Variants in TRPS1 observed in about 807,000 individuals in gnomAD.
TRPS1 encodes the protein transcriptional repressor GATA binding 1.
In TRPS1, 6 loss-of-function variants were observed where a neutral mutation model predicts 101.2. That is an observed-to-expected ratio of 0.06 (90% CI 0.03 to 0.12). TRPS1 has a LOEUF of 0.12. Ranked by LOEUF, TRPS1 falls within the 10% of genes least tolerant of loss-of-function variation. The pLI, the probability that TRPS1 is intolerant of heterozygous loss-of-function variation, is 1.00. For synonymous variants in TRPS1, 578 were observed against 589.8 expected, an observed-to-expected ratio of 0.98 and a Z score of 0.29; for missense variants, 1,363 against 1,567.0, an observed-to-expected ratio of 0.87 and a Z score of 2.20.
chr8:115,530,449 T>C (rs1034051441), intron 5 of TRPS1, among the ~76,000 whole-genome samples: 2 of 152,100 alleles, frequency 1.3e-5, no homozygotes, highest in Admixed American at 1.3e-4. Context: ...GGAAACAAGT[T>C]AGGTGTATAG....
At chr8:115,630,569 G>T (rs1818617209) in intron 1 of TRPS1, among the ~76,000 whole-genome samples, 1 of 151,878 alleles carries the variant, frequency 6.6e-6, no homozygotes, top group South Asian at 2.1e-4. Context: ...TCAGAGGTAG[G>T]TTTTTTTAAG....
At chr8:115,515,412 A>G in intron 5 of TRPS1, 1 of 578,638 alleles carries the variant, frequency 1.7e-6, no homozygotes, top group Non-Finnish European at 3.1e-6. Context: ...ATCAAATGCC[A>G]AATCTCTTTT....
chr8:115,641,488 C>T (rs1818893703), intron 1 of TRPS1, among the ~76,000 whole-genome samples: 1 of 152,192 alleles, frequency 6.6e-6, no homozygotes, highest in Admixed American at 6.5e-5. Flanking sequence ...ACGCCTTTCA[C>T]CAGAGGCATA....
Position 115,656,675 on chromosome 8 carries a change from G to A in TRPS1, c.-122+11870C>T, listed in dbSNP as rs1324302710. Among the ~76,000 whole-genome samples, 7 of 151,964 alleles carry A rather than the reference G, an allele frequency of 4.6e-5. No individual in the cohort carries two copies. In the South Asian group the frequency reaches 6.2e-4, roughly 13 times the overall value. The stretch of plus-strand genomic sequence containing the variant: ...TTGAAGTGAAAATGATTTATGAAAG[G>A]ATTTCCCTCTAACTACTCCTTAGAA... On this transcript the variant is annotated intron_variant, in intron 1 of 6. Transcript: ENST00000395715.
At chr8:115,452,087 CTTTAT>C (rs1446399367) in intron 5 of TRPS1, among the ~76,000 whole-genome samples, 1 of 152,132 alleles carries the variant, frequency 6.6e-6, no homozygotes, top group Non-Finnish European at 1.5e-5. Context: ...TGGTAAGCGG[CTTTAT>C]TTTAACAAGT....
chr8:115,543,232 A>C (rs982282570), intron 5 of TRPS1, among the ~76,000 whole-genome samples: 1 of 152,198 alleles, frequency 6.6e-6, no homozygotes, highest in African/African-American at 2.4e-5. Flanking sequence ...TATGGAAAAG[A>C]CACAGCTTCC....
intron 5 of TRPS1, among the ~76,000 whole-genome samples, chr8:115,532,917 T>C (rs1816170253): frequency 6.6e-6 from 1 of 152,122 alleles, no homozygotes; most frequent in South Asian, 2.1e-4. Context: ...TTCATAAAGG[T>C]TACTCTGTTG....
intron 5 of TRPS1, among the ~76,000 whole-genome samples, chr8:115,515,686 G>A (rs1392058870): frequency 6.6e-6 from 1 of 151,370 alleles, no homozygotes; most frequent in East Asian, 1.9e-4. Flanking sequence ...ATTTATTAAA[G>A]TAATAAAAGA....
At chr8:115,437,427 A>G (rs1380066384) in intron 5 of TRPS1, among the ~76,000 whole-genome samples, 1 of 152,228 alleles carries the variant, frequency 6.6e-6, no homozygotes, top group Non-Finnish European at 1.5e-5. Flanking sequence ...AATCCTCCTG[A>G]AAGTTTATCT....
intron 1 of TRPS1, among the ~76,000 whole-genome samples, chr8:115,645,538 T>C (rs1040241385): frequency 1.3e-5 from 2 of 152,086 alleles, no homozygotes; most frequent in African/African-American, 2.4e-5. Context: ...TAAAACAACC[T>C]ACTGAAAAAT....
chr8:115,448,455 T>C (rs1014967555), intron 5 of TRPS1, among the ~76,000 whole-genome samples: 2 of 152,180 alleles, frequency 1.3e-5, no homozygotes, highest in Non-Finnish European at 2.9e-5. Flanking sequence ...TTCTTTTCTG[T>C]CAGAACGAGT....
chr8:115,625,520 A>C (rs186280131), intron 1 of TRPS1, among the ~76,000 whole-genome samples: 1 of 151,834 alleles, frequency 6.6e-6, no homozygotes, highest in Admixed American at 6.6e-5. Context: ...TCTTTGCCTC[A>C]ATTTCTCACT....
intron 5 of TRPS1, among the ~76,000 whole-genome samples, chr8:115,528,111 T>C (rs1816043795): frequency 6.6e-6 from 1 of 152,100 alleles, no homozygotes; most frequent in Admixed American, 6.6e-5. Flanking sequence ...CAGAAAAAAG[T>C]AAGTAACTTA....
chr8:115,483,774 G>T (rs1384472230), intron 5 of TRPS1, among the ~76,000 whole-genome samples: 1 of 152,128 alleles, frequency 6.6e-6, no homozygotes, highest in Non-Finnish European at 1.5e-5. Context: ...CTAGAGGTAT[G>T]TATGCATATC....
chr8:115,476,933 T>C (rs973579736), intron 5 of TRPS1, among the ~76,000 whole-genome samples: 18 of 152,206 alleles, frequency 1.2e-4, no homozygotes, highest in African/African-American at 3.6e-4. Context: ...CTCCTTCGTA[T>C]GTCTGCATTT....
At chr8:115,469,295 T>C (rs1340761526) in intron 5 of TRPS1, among the ~76,000 whole-genome samples, 1 of 152,210 alleles carries the variant, frequency 6.6e-6, no homozygotes, top group African/African-American at 2.4e-5. Context: ...AGCAATAGCA[T>C]GAACAGATAC....
At chr8:115,586,884 T>C (rs1242680777) in intron 5 of TRPS1, 117 bp downstream of exon 5, 3 of 1,572,486 alleles carry the variant, frequency 1.9e-6, no homozygotes, top group African/African-American at 2.7e-5. Flanking sequence ...AATCCCCAGA[T>C]TGAGACAGAT....
At chr8:115,608,838 T>C (rs896606083) in intron 3 of TRPS1, among the ~76,000 whole-genome samples, 5 of 151,632 alleles carry the variant, frequency 3.3e-5, no homozygotes, top group Non-Finnish European at 5.9e-5. Flanking sequence ...AACTGAAATG[T>C]ATTTATTTTA....
chr8:115,497,236 C>T (rs1049081012), intron 5 of TRPS1, among the ~76,000 whole-genome samples: 4 of 152,178 alleles, frequency 2.6e-5, no homozygotes, highest in Admixed American at 2.6e-4. Context: ...AACTGTTCCT[C>T]CTCAGATCAT....
Sources: gnomAD v4.1 joint callset for allele counts (sites outside exome capture counted in the v4.1 genomes callset) on GRCh38, gnomAD v4.1.1 for gene constraint, MANE v1.5 for transcripts, NCBI Gene and HGNC (gene_info 2026-07-23, HGNC 2026-07-21) for gene names.